LOC400499: variants seen among roughly 807,000 people sequenced by gnomAD.
chr16:11,511,186 T>C, the LOC400499 span, among the ~76,000 whole-genome samples: 3 of 151,980 alleles, frequency 2.0e-5, no homozygotes, highest in African/African-American at 7.3e-5. Flanking sequence ...TTCACAGTGA[T>C]GGGGTTTCGT....
chr16:11,471,508 C>G, the LOC400499 span: 10 of 397,644 alleles, frequency 2.5e-5, no homozygotes, highest in Middle Eastern at 6.2e-4. Context: ...TCAGCATGTG[C>G]AAACGTCCAG....
At chr16:11,494,225 C>T in the LOC400499 span, among the ~76,000 whole-genome samples, 1 of 147,820 alleles carries the variant, frequency 6.8e-6, no homozygotes, top group Non-Finnish European at 1.5e-5. Flanking sequence ...CCCACCTTCT[C>T]GGGGTAGGGG....
chr16:11,416,485 T>C, the LOC400499 span, among the ~76,000 whole-genome samples: 1 of 152,076 alleles, frequency 6.6e-6, no homozygotes, highest in Non-Finnish European at 1.5e-5. Flanking sequence ...TAACCCTATC[T>C]CATAGGCTCG....
At chr16:11,446,307 G>A in the LOC400499 span, among the ~76,000 whole-genome samples, 1 of 145,258 alleles carries the variant, frequency 6.9e-6, no homozygotes, top group Admixed American at 7.1e-5. Flanking sequence ...ATGCCACCAT[G>A]CCTGGCTAAT....
the LOC400499 span, among the ~76,000 whole-genome samples, chr16:11,377,974 G>A: frequency 2.0e-5 from 3 of 152,240 alleles, no homozygotes; most frequent in African/African-American, 7.2e-5. Flanking sequence ...GGTAGTTACA[G>A]GTCTGTTTTT....
chr16:11,446,480 A>G, the LOC400499 span: 1 of 1,390,048 alleles, frequency 7.2e-7, no homozygotes, highest in South Asian at 1.2e-5. Context: ...TTTCAATCCT[A>G]TTGAGCGATG....
the LOC400499 span, among the ~76,000 whole-genome samples, chr16:11,474,503 G>C: frequency 6.6e-6 from 1 of 152,112 alleles, no homozygotes; most frequent in Admixed American, 6.6e-5. Context: ...ATTTTTAAGT[G>C]ATTTTGGTTT....
chr16:11,505,722 T>G, the LOC400499 span, among the ~76,000 whole-genome samples: 1 of 152,146 alleles, frequency 6.6e-6, no homozygotes, highest in Admixed American at 6.6e-5. Context: ...GTGCTGTGTT[T>G]ACAGGTGTGA....
chr16:11,382,771 CTGCACT>C, the LOC400499 span, among the ~76,000 whole-genome samples: 1 of 152,090 alleles, frequency 6.6e-6, no homozygotes, highest in Non-Finnish European at 1.5e-5. Flanking sequence ...GATTGTGCCA[CTGCACT>C]CCAGCCTGGG....
chr16:11,427,350 C>CA, the LOC400499 span, among the ~76,000 whole-genome samples: 1,046 of 38,844 alleles, frequency 0.027, 154 homozygotes, highest in Non-Finnish European at 0.04. Context: ...CTCCATCTCA[C>CA]AAAAAAAAAA....
chr16:11,382,802 T>C, the LOC400499 span, among the ~76,000 whole-genome samples: 9 of 152,132 alleles, frequency 5.9e-5, no homozygotes, highest in African/African-American at 2.2e-4. Flanking sequence ...AGAGTGAGAC[T>C]GTCCCAAAAA....
chr16:11,429,659 C>A, the LOC400499 span, among the ~76,000 whole-genome samples: 1 of 151,862 alleles, frequency 6.6e-6, no homozygotes, highest in Non-Finnish European at 1.5e-5. Flanking sequence ...TTTTCAGTAG[C>A]GACGGGGTTT....
the LOC400499 span, chr16:11,425,072 C>T: frequency 1.0e-5 from 4 of 398,808 alleles, no homozygotes; most frequent in Middle Eastern, 6.3e-4. Flanking sequence ...TCCCTTGGCT[C>T]CAGGACTTAG....
the LOC400499 span, among the ~76,000 whole-genome samples, chr16:11,487,707 A>G: frequency 1.3e-5 from 2 of 152,168 alleles, no homozygotes; most frequent in East Asian, 3.9e-4. Context: ...TTTCTGTTTA[A>G]TTACAACAAA....
the LOC400499 span, chr16:11,384,291 A>G: frequency 0.59 from 725,251 of 1,231,874 alleles, 216,753 homozygotes; most frequent in African/African-American, 0.76. Context: ...TGCCTGCTTC[A>G]TTGTCATTGG....
the LOC400499 span, chr16:11,514,274 C>T: frequency 4.8e-5 from 19 of 398,696 alleles, no homozygotes; most frequent in Non-Finnish European, 7.5e-5. Context: ...GACAGAGGAA[C>T]GGAACCTGGG....
chr16:11,428,822 GA>G, the LOC400499 span, among the ~76,000 whole-genome samples: 1 of 151,954 alleles, frequency 6.6e-6, no homozygotes, highest in Admixed American at 6.6e-5. Flanking sequence ...GTGGATAGGG[GA>G]TAAAGAAAAT....
the LOC400499 span, among the ~76,000 whole-genome samples, chr16:11,459,648 CA>C: frequency 6.6e-6 from 1 of 152,244 alleles, no homozygotes; most frequent in Non-Finnish European, 1.5e-5. Flanking sequence ...TTCAAAAATG[CA>C]TTTTTACAGG....
At chr16:11,416,829 C>G in the LOC400499 span, among the ~76,000 whole-genome samples, 310 of 151,942 alleles carry the variant, frequency 2.0e-3, 2 homozygotes, top group African/African-American at 7.1e-3. Context: ...GCAAGCCTGG[C>G]GTGTTGAAGA....
Sources: gnomAD v4.1 joint callset for allele counts (sites outside exome capture counted in the v4.1 genomes callset) on GRCh38, gnomAD v4.1.1 for gene constraint, MANE v1.5 for transcripts.